Variants in ICA1L observed in about 807,000 individuals in gnomAD.
The protein encoded by ICA1L is islet cell autoantigen 1 like, also known as islet cell autoantigen 1-like protein.
A neutral mutation model predicts 61.3 loss-of-function variants in ICA1L; 50 were observed. That is an observed-to-expected ratio of 0.82 (90% confidence interval 0.65 to 1.03). The LOEUF is 1.03. Among genes scored for constraint, ICA1L ranks in the 50% least tolerant of loss-of-function variants. The pLI is 0.00. For synonymous variants in ICA1L, 161 were observed against 191.3 expected (o/e 0.84, Z 1.31); for missense variants, 508 against 556.7 (o/e 0.91, Z 0.88).
intron 12 of ICA1L, among the ~76,000 whole-genome samples, chr2:202,784,223 A>T (rs1387471315): frequency 6.6e-6 from 1 of 152,152 alleles, no homozygotes; most frequent in East Asian, 1.9e-4. Context: ...AGGCCGAGGC[A>T]GGTGGATCAC....
intron 1 of ICA1L, among the ~76,000 whole-genome samples, chr2:202,836,716 T>C (rs1047609541): frequency 2.1e-5 from 3 of 141,594 alleles, no homozygotes; most frequent in Non-Finnish European, 4.7e-5. Context: ...TTCTTCATGA[T>C]TTAGTCTTTA....
At chr2:202,860,805 A>G (rs1694889654) in intron 1 of ICA1L, among the ~76,000 whole-genome samples, 1 of 152,212 alleles carries the variant, frequency 6.6e-6, no homozygotes. Flanking sequence ...CGGAGAAGTT[A>G]AAAGGAAAAG....
chr2:202,820,319 A>G (rs1032029930), intron 4 of ICA1L, among the ~76,000 whole-genome samples: 2 of 151,754 alleles, frequency 1.3e-5, no homozygotes, highest in African/African-American at 2.4e-5. Flanking sequence ...AGGTTGCAGC[A>G]AGCCGAGATG....
At chr2:202,855,320 G>C (rs1259204626) in intron 1 of ICA1L, among the ~76,000 whole-genome samples, 1 of 152,006 alleles carries the variant, frequency 6.6e-6, no homozygotes, top group Non-Finnish European at 1.5e-5. Context: ...GAAGGAGAGA[G>C]AGACATGAAA....
intron 1 of ICA1L, among the ~76,000 whole-genome samples, chr2:202,853,086 C>T (rs1342176200): frequency 2.6e-5 from 4 of 151,936 alleles, no homozygotes; most frequent in Non-Finnish European, 4.4e-5. Flanking sequence ...TGGCTGGGCG[C>T]GGTGGCTCAC....
At chr2:202,781,598 C>A (rs901545676) in intron 12 of ICA1L, among the ~76,000 whole-genome samples, 1 of 151,354 alleles carries the variant, frequency 6.6e-6, no homozygotes, top group Non-Finnish European at 1.5e-5. Flanking sequence ...AAAGACTCCT[C>A]CTCTGAAGCT....
intron 1 of ICA1L, among the ~76,000 whole-genome samples, chr2:202,853,312 G>C (rs2074490142): frequency 2.0e-5 from 3 of 150,474 alleles, no homozygotes; most frequent in African/African-American, 7.4e-5. Flanking sequence ...AGCCGGGACT[G>C]TGCCACTGCA....
chr2:202,785,824 G>T, intron 12 of ICA1L, 94 bp downstream of exon 12: 1 of 665,052 alleles, frequency 1.5e-6, no homozygotes, highest in Non-Finnish European at 2.5e-6. Context: ...AGGACAATGA[G>T]GTGAAAACAA....
At chr2:202,780,846 G>C (rs1692379874) in intron 12 of ICA1L, among the ~76,000 whole-genome samples, 1 of 152,148 alleles carries the variant, frequency 6.6e-6, no homozygotes, top group Non-Finnish European at 1.5e-5. Flanking sequence ...CTACTAATGA[G>C]TAATACTGGG....
rs1349091624 is a variant in ICA1L, at chr2:202,774,553, T to C, written c.*4980A>G. On this transcript the variant is annotated 3_prime_UTR_variant, in exon 13 of 13. Transcript: ENST00000358299. The stretch of plus-strand genomic sequence containing the variant: ...ACAGGAGAGACACAGGAAAAAAAGT[T>C]GTAATATACTCACAGGTCCTAGAGA... 2.5e-6 allele frequency: 1 copy of C among 394,504 alleles called. No individual in the cohort carries two copies. The highest frequency in any genetic ancestry group is 4.8e-5 in the East Asian group (1 of 21,032). The allele number at this position is 394,504 out of a possible 1,614,324, so 24.4% of individuals were successfully genotyped here. A position where few individuals can be genotyped will look rare whatever the true frequency, so the allele number is the denominator to read the frequency against.
chr2:202,774,236 G>C lies in ICA1L; in HGVS notation c.*5297C>G. On this transcript the variant is annotated 3_prime_UTR_variant, in exon 13 of 13. Coordinates refer to ENST00000358299, the MANE Select transcript of ICA1L (RefSeq NM_001288622.3). ...ATCGAAGGCGCGGGGCGGCTCCTGA[G>C]TCTTCTCGCTCCTGTCGGCCAAAGG... The C allele has an allele frequency of 2.6e-6, 4 of 1,548,392 alleles. No individual in the cohort carries two copies. The highest frequency in any genetic ancestry group is 3.5e-6 in the Non-Finnish European group (4 of 1,145,984).
chr2:202,791,473 A>G (rs978669548), intron 10 of ICA1L, among the ~76,000 whole-genome samples: 4 of 152,262 alleles, frequency 2.6e-5, no homozygotes, highest in African/African-American at 9.6e-5. Flanking sequence ...TAAGGAAGAT[A>G]CACGAATGGA....
chr2:202,782,147 A>C (rs1281166978), intron 12 of ICA1L, among the ~76,000 whole-genome samples: 1 of 151,994 alleles, frequency 6.6e-6, no homozygotes, highest in Non-Finnish European at 1.5e-5. Flanking sequence ...GGAATTTGAG[A>C]CCAGCCTGGA....
Position 202,852,000 on chromosome 2 carries a change from CTTTAG to C in ICA1L, c.-8+19614_-8+19618del, listed in dbSNP as rs572724100. On this transcript the variant is annotated intron_variant, in intron 1 of 12. Transcript: ENST00000358299. Reference sequence around the variant, plus strand: ...TAGTTTCTTTTGCTGTGCAGAAGCTCTTTAGTTTAATTAGATCCCATTTGTCAATT... The same window carrying C: ...TAGTTTCTTTTGCTGTGCAGAAGCTCTTTAATTAGATCCCATTTGTCAATT... Among the ~76,000 whole-genome samples, 125 of 152,246 alleles carry C rather than the reference CTTTAG, an allele frequency of 8.2e-4. 1 individual carries two copies. Among genetic ancestry groups the C allele is most frequent in the African/African-American group, 2.8e-3 (116 of 41,536 alleles).
At chr2:202,864,446 C>T (rs985010117) in intron 1 of ICA1L, among the ~76,000 whole-genome samples, 4 of 151,844 alleles carry the variant, frequency 2.6e-5, no homozygotes, top group East Asian at 1.9e-4. Context: ...GGGGTTTCAC[C>T]GTGGTCTCGA....
At chr2:202,864,313 G>T (rs1323127519) in intron 1 of ICA1L, among the ~76,000 whole-genome samples, 8 of 151,424 alleles carry the variant, frequency 5.3e-5, no homozygotes, top group Non-Finnish European at 1.2e-4. Context: ...GCGCAATCTC[G>T]GCTCACTGCA....
chr2:202,839,800 A>G (rs551613640), intron 1 of ICA1L, among the ~76,000 whole-genome samples: 1 of 151,706 alleles, frequency 6.6e-6, no homozygotes, highest in African/African-American at 2.4e-5. Context: ...CTTTGTGATT[A>G]GACGATTTTT....
chr2:202,803,700 T>A (rs1442791541), intron 9 of ICA1L, among the ~76,000 whole-genome samples: 1 of 151,988 alleles, frequency 6.6e-6, no homozygotes, highest in African/African-American at 2.4e-5. Context: ...CACACCTGCC[T>A]AATTTTTTGT....
At chr2:202,836,059 A>ATT (rs1218892384) in intron 1 of ICA1L, among the ~76,000 whole-genome samples, 1 of 152,148 alleles carries the variant, frequency 6.6e-6, no homozygotes, top group African/African-American at 2.4e-5. Context: ...ACTGTGTTGA[A>ATT]TGGAAGCGCT....
Sources: allele counts gnomAD v4.1 joint callset (sites outside exome capture counted in the v4.1 genomes callset), GRCh38; gene constraint gnomAD v4.1.1; transcripts MANE v1.5; gene names NCBI Gene and HGNC (gene_info 2026-07-23, HGNC 2026-07-21).